Variants in OPCML observed in about 807,000 individuals in gnomAD.
OPCML encodes the protein opioid binding protein/cell adhesion molecule like, also known as opioid-binding protein/cell adhesion molecule.
OPCML carries 13 observed loss-of-function variants against 37.8 expected under a neutral mutation model. That is an observed-to-expected ratio of 0.34 (90% CI 0.22 to 0.55). The LOEUF is 0.55. Among genes scored for constraint, OPCML ranks in the 20% least tolerant of loss-of-function variants. The pLI, the probability that OPCML is intolerant of heterozygous loss-of-function variation, is 0.91. For synonymous variants in OPCML, 176 were observed against 168.8 expected (o/e 1.04, Z -0.33); for missense variants, 341 against 435.6 (o/e 0.78, Z 1.93).
intron 1 of OPCML, chr11:133,361,568 C>A (rs189360121): frequency 6.2e-6 from 1 of 160,296 alleles, no homozygotes; most frequent in African/African-American, 2.5e-5. Context: ...CCTGCAGCTA[C>A]TCCGGGGCAC....
chr11:133,458,305 T>TATATACACGTGTGTGTATATATAC (rs1946736294), intron 1 of OPCML, among the ~76,000 whole-genome samples: 6 of 37,296 alleles, frequency 1.6e-4, no homozygotes, highest in Admixed American at 2.3e-4. Context: ...TGTATATATA[T>TATATACACGTGTGTGTATATATAC]ACACATATAT....
At chr11:132,497,794 C>T (rs929967827) in intron 4 of OPCML, among the ~76,000 whole-genome samples, 3 of 152,154 alleles carry the variant, frequency 2.0e-5, no homozygotes, top group Admixed American at 6.5e-5. Context: ...CCTTTGGCTT[C>T]CACTCTGTCA....
At chr11:133,034,486 C>T (rs79004175) in intron 1 of OPCML, among the ~76,000 whole-genome samples, 15,784 of 152,106 alleles carry the variant, frequency 0.1, 1,297 homozygotes, top group East Asian at 0.3. Context: ...ATTCATATGG[C>T]GTGCAGCATT....
chr11:133,230,321 G>A lies in OPCML; in HGVS notation c.62-287311C>T, dbSNP rs369313970. 1.5e-4 allele frequency among the ~76,000 whole-genome samples: 23 copies of A among 152,312 alleles called. No homozygotes were observed. In the East Asian group the frequency reaches 2.9e-3, roughly 19 times the overall value. On this transcript the variant is annotated intron_variant, in intron 1 of 7. Coordinates refer to ENST00000524381, the MANE Select transcript of OPCML (RefSeq NM_001012393.5). ...ATGGGCAGAGGTACAAATGCTAAGTGACAGCCTTTCATAAGCCCTAGATTG... is the reference window on the plus strand; with the variant it reads ...ATGGGCAGAGGTACAAATGCTAAGTAACAGCCTTTCATAAGCCCTAGATTG...
chr11:132,911,127 T>G (rs1434257040), intron 2 of OPCML, among the ~76,000 whole-genome samples: 6 of 152,248 alleles, frequency 3.9e-5, no homozygotes, highest in African/African-American at 1.4e-4. Context: ...AATTCTCTTC[T>G]ACCAGTCCTT....
At chr11:132,585,138 C>G (rs2096469844) in intron 3 of OPCML, among the ~76,000 whole-genome samples, 1 of 144,614 alleles carries the variant, frequency 6.9e-6, no homozygotes, top group Non-Finnish European at 1.5e-5. Context: ...CAATTCTCCA[C>G]TTTTGGTCAA....
chr11:133,240,825 C>A (rs757432020), intron 1 of OPCML, among the ~76,000 whole-genome samples: 13 of 152,182 alleles, frequency 8.5e-5, no homozygotes, highest in Non-Finnish European at 1.3e-4. Context: ...GACTTAATTT[C>A]AAGGAACTAG....
intron 1 of OPCML, among the ~76,000 whole-genome samples, chr11:133,210,579 A>G (rs916174865): frequency 2.6e-5 from 4 of 152,206 alleles, no homozygotes; most frequent in Admixed American, 2.6e-4. Context: ...CTGAGCTCAA[A>G]GGGACATTTT....
intron 1 of OPCML, among the ~76,000 whole-genome samples, chr11:133,243,509 G>A (rs1286740677): frequency 6.6e-6 from 1 of 152,220 alleles, no homozygotes; most frequent in African/African-American, 2.4e-5. Context: ...TTCACAGCAA[G>A]GTGAGAAGGC....
chr11:133,166,578 G>A (rs1485442125), intron 1 of OPCML, among the ~76,000 whole-genome samples: 1 of 152,204 alleles, frequency 6.6e-6, no homozygotes, highest in Non-Finnish European at 1.5e-5. Context: ...AGTAGAGATG[G>A]GGATGACAGA....
chr11:132,886,528 G>A (rs967385615), intron 2 of OPCML, among the ~76,000 whole-genome samples: 2 of 152,364 alleles, frequency 1.3e-5, no homozygotes, highest in Admixed American at 1.3e-4. Context: ...TGGTCTCTGG[G>A]TAATCCGAGT....
rs112676616 is a variant in OPCML, at chr11:133,374,061, C to G, written c.61+158203G>C. On this transcript the variant is annotated intron_variant, in intron 1 of 7. Transcript: ENST00000524381. ...TATTAAAAACTTGTACACAGATGTT[C>G]ATAGCAACTTTATCTGTAATAGCCG... Among the ~76,000 whole-genome samples the G allele has an allele frequency of 4.5e-3, 680 of 152,226 alleles. 3 individuals carry two copies. The highest frequency in any genetic ancestry group is 0.015 in the African/African-American group (614 of 41,532).
intron 1 of OPCML, among the ~76,000 whole-genome samples, chr11:132,951,559 C>T (rs77632709): frequency 0.026 from 3,952 of 152,256 alleles, 161 homozygotes; most frequent in African/African-American, 0.087. Context: ...ATGATTCAGC[C>T]GACATCAGTG....
chr11:133,201,070 G>A (rs574506676), intron 1 of OPCML, among the ~76,000 whole-genome samples: 3 of 152,172 alleles, frequency 2.0e-5, no homozygotes, highest in Non-Finnish European at 4.4e-5. Flanking sequence ...ATAAGTAGGA[G>A]ATAAACATTG....
intron 4 of OPCML, among the ~76,000 whole-genome samples, chr11:132,523,089 T>C (rs2096298244): frequency 6.6e-6 from 1 of 152,184 alleles, no homozygotes; most frequent in African/African-American, 2.4e-5. Flanking sequence ...GGCGTGGTTG[T>C]AGAGATGGGG....
At chr11:133,444,233 T>A (rs1271240398) in intron 1 of OPCML, among the ~76,000 whole-genome samples, 1 of 152,162 alleles carries the variant, frequency 6.6e-6, no homozygotes. Flanking sequence ...AATGAACTGC[T>A]TAATGGCCTT....
chr11:132,916,919 G>A lies in OPCML; in HGVS notation c.146+26007C>T, dbSNP rs1347554272. Among the ~76,000 whole-genome samples the A allele has an allele frequency of 2.0e-5, 3 of 152,114 alleles. No individual in the cohort carries two copies. The East Asian group carries it at 5.8e-4, about 29-fold the overall frequency. Reference sequence around the variant, plus strand: ...AGTAGGAAATTAAACTTTCACTAAGGCAGCATGAGTCTTCCCCTTCCTATT... The same window carrying A: ...AGTAGGAAATTAAACTTTCACTAAGACAGCATGAGTCTTCCCCTTCCTATT... On this transcript the variant is annotated intron_variant, in intron 2 of 7. Coordinates refer to ENST00000524381, the MANE Select transcript of OPCML (RefSeq NM_001012393.5).
chr11:133,068,252 C>G (rs1203624507), intron 1 of OPCML: 1 of 152,158 alleles, frequency 6.6e-6, no homozygotes, highest in Non-Finnish European at 1.5e-5. Context: ...GGGAATAGAG[C>G]TTAGAATTGG....
rs544721363 is a variant in OPCML at position 132,455,062 on chromosome 11, T to C, written c.506-17703A>G. The stretch of plus-strand genomic sequence containing the variant: ...CCTGGATATATTACAGGTCGAACCC[T>C]GTCTCCTAAAACATAACAGCTACAT... On this transcript the variant is annotated intron_variant, in intron 4 of 7. Coordinates refer to ENST00000524381, the MANE Select transcript of OPCML (RefSeq NM_001012393.5). Among the ~76,000 whole-genome samples, 31 of 152,300 alleles carry C rather than the reference T, an allele frequency of 2.0e-4. No homozygotes were observed. In the South Asian group the frequency reaches 5.8e-3, roughly 28 times the overall value.
Sources: allele counts gnomAD v4.1 joint callset (sites outside exome capture counted in the v4.1 genomes callset), GRCh38; gene constraint gnomAD v4.1.1; transcripts MANE v1.5; gene names NCBI Gene and HGNC (gene_info 2026-07-23, HGNC 2026-07-21).